Variants in KLHL32 observed in about 807,000 individuals in gnomAD.
The protein encoded by KLHL32 is kelch-like protein 32.
KLHL32 carries 35 observed loss-of-function variants against 64.8 expected under a neutral mutation model. The observed-to-expected ratio is 0.54, with a 90% CI of 0.41 to 0.72. The LOEUF (loss-of-function observed/expected upper bound fraction) is 0.72, where lower values mean the gene tolerates loss of function less well. Among genes scored for constraint, KLHL32 ranks in the 30% least tolerant of loss-of-function variants. KLHL32 has a pLI of 0.00. For missense variants in KLHL32, 589 were observed against 768.5 expected, an observed-to-expected ratio of 0.77 and a Z score of 2.76; for synonymous variants, 259 against 281.0, an observed-to-expected ratio of 0.92 and a Z score of 0.78.
intron 10 of KLHL32, among the ~76,000 whole-genome samples, chr6:97,133,538 A>C (rs1799661630): frequency 6.6e-6 from 1 of 152,226 alleles, no homozygotes; most frequent in East Asian, 1.9e-4. Context: ...TAATAGTTGC[A>C]GAACTGTTCA....
At chr6:96,904,355 A>G in the KLHL32 span, among the ~76,000 whole-genome samples, 295 of 150,702 alleles carry the variant, frequency 2.0e-3, no homozygotes, top group Non-Finnish European at 2.6e-3. Context: ...AAAAAAAAAA[A>G]AAAAGAAAAG....
intron 4 of KLHL32, among the ~76,000 whole-genome samples, chr6:97,056,402 G>A (rs1034307564): frequency 1.3e-5 from 2 of 152,074 alleles, no homozygotes; most frequent in Non-Finnish European, 2.9e-5. Context: ...ACCAGGCCCG[G>A]CCCACCAGCC....
chr6:97,084,979 G>A (rs925245024), intron 5 of KLHL32, 147 bp from the exon 6 acceptor site: 1 of 648,136 alleles, frequency 1.5e-6, no homozygotes, highest in Non-Finnish European at 2.6e-6. Context: ...CTTTATAATT[G>A]TGATTTCTTT....
chr6:96,988,904 T>C (rs1255700103), intron 3 of KLHL32, among the ~76,000 whole-genome samples: 2 of 149,530 alleles, frequency 1.3e-5, no homozygotes, highest in African/African-American at 5.0e-5. Flanking sequence ...AATTGAACAA[T>C]GAGAACACAT....
chr6:97,042,524 T>C (rs1276539674), intron 4 of KLHL32, among the ~76,000 whole-genome samples: 3 of 152,216 alleles, frequency 2.0e-5, no homozygotes, highest in East Asian at 1.9e-4. Context: ...AATAATTGTA[T>C]ATACTTATGT....
chr6:97,081,960 G>A (rs191384628), intron 5 of KLHL32, among the ~76,000 whole-genome samples: 12 of 152,228 alleles, frequency 7.9e-5, no homozygotes, highest in Admixed American at 6.5e-4. Flanking sequence ...GCAGTGCCCC[G>A]GTCATGGAAG....
At chr6:96,952,483 G>C (rs1772742486) in intron 1 of KLHL32, among the ~76,000 whole-genome samples, 1 of 152,148 alleles carries the variant, frequency 6.6e-6, no homozygotes, top group South Asian at 2.1e-4. Flanking sequence ...AGGCTGGCTG[G>C]ACTCACTTAT....
intron 3 of KLHL32, among the ~76,000 whole-genome samples, chr6:97,014,208 T>C (rs1376893036): frequency 6.7e-6 from 1 of 150,246 alleles, no homozygotes; most frequent in Admixed American, 6.6e-5. Context: ...GGCAGGAGAA[T>C]GGCGTGAACC....
At chr6:97,032,169 T>C (rs886185313) in intron 3 of KLHL32, among the ~76,000 whole-genome samples, 1 of 152,182 alleles carries the variant, frequency 6.6e-6, no homozygotes, top group Admixed American at 6.5e-5. Flanking sequence ...ACATTAAAAA[T>C]AAAGTTTTTA....
chr6:97,023,807 G>A (rs1183986063), intron 3 of KLHL32, among the ~76,000 whole-genome samples: 1 of 152,200 alleles, frequency 6.6e-6, no homozygotes, highest in African/African-American at 2.4e-5. Context: ...ACCTAATGTG[G>A]TAACTGTGGT....
chr6:96,917,951 A>G, the KLHL32 span, among the ~76,000 whole-genome samples: 3 of 152,304 alleles, frequency 2.0e-5, no homozygotes, highest in East Asian at 5.8e-4. Flanking sequence ...TGTTCCGTAC[A>G]TTGTAGGATG....
rs1356439562 is a variant in KLHL32 at position 97,012,012 on chromosome 6, A to G, written c.205-29480A>G. Among the ~76,000 whole-genome samples the G allele has an allele frequency of 3.3e-5, 5 of 152,330 alleles. No individual in the cohort carries two copies. In the East Asian group the frequency reaches 9.6e-4, roughly 29 times the overall value. On this transcript the variant is annotated intron_variant, in intron 3 of 10. Coordinates refer to ENST00000369261, the MANE Select transcript of KLHL32 (RefSeq NM_052904.4). ...ATTAAAGTTTGCTAAACATTGAATTAATTTGTAATCAATCACGTAACTGCT... is the reference window on the plus strand; with the variant it reads ...ATTAAAGTTTGCTAAACATTGAATTGATTTGTAATCAATCACGTAACTGCT...
At chr6:97,027,591 T>C (rs1782918189) in intron 3 of KLHL32, among the ~76,000 whole-genome samples, 1 of 152,222 alleles carries the variant, frequency 6.6e-6, no homozygotes, top group Non-Finnish European at 1.5e-5. Context: ...GGAGACAGTG[T>C]GAAAGATTTT....
intron 3 of KLHL32, among the ~76,000 whole-genome samples, chr6:97,033,554 T>G (rs1382624357): frequency 6.6e-6 from 1 of 152,116 alleles, no homozygotes; most frequent in Non-Finnish European, 1.5e-5. Context: ...GAAGTGAGAT[T>G]GTTAGATCAT....
rs191807787 is a variant in KLHL32 at position 97,080,448 on chromosome 6, C to T, written c.412-4678C>T. ...TAAGCATCTGCTCCCTACTGGATAC[C>T]AGGGACACACAAGGCATGAGACACA... On this transcript the variant is annotated intron_variant, in intron 5 of 10. Coordinates refer to ENST00000369261, the MANE Select transcript of KLHL32 (RefSeq NM_052904.4). 3.9e-5 allele frequency among the ~76,000 whole-genome samples: 6 copies of T among 152,220 alleles called. No homozygotes were observed. The East Asian group carries it at 7.7e-4, about 20-fold the overall frequency.
chr6:97,120,989 A>G (rs1188525034), intron 7 of KLHL32, among the ~76,000 whole-genome samples: 1 of 152,236 alleles, frequency 6.6e-6, no homozygotes, highest in African/African-American at 2.4e-5. Context: ...GTATTCTACA[A>G]TGCTTGTTAG....
the KLHL32 span, among the ~76,000 whole-genome samples, chr6:96,910,342 C>T: frequency 6.6e-6 from 1 of 151,656 alleles, no homozygotes; most frequent in Non-Finnish European, 1.5e-5. Context: ...AGAGAGGACA[C>T]ACAAAGGGGA....
At chr6:97,017,949 C>G (rs1414419131) in intron 3 of KLHL32, among the ~76,000 whole-genome samples, 5 of 152,166 alleles carry the variant, frequency 3.3e-5, no homozygotes, top group Non-Finnish European at 1.5e-5. Flanking sequence ...GGAATACACA[C>G]ACTATGCTGT....
chr6:96,983,728 T>C (rs1056615082), intron 3 of KLHL32, among the ~76,000 whole-genome samples: 9 of 152,076 alleles, frequency 5.9e-5, no homozygotes, highest in Non-Finnish European at 1.2e-4. Context: ...GGTGGTGATA[T>C]CCCTTTATCA....
Sources: allele counts gnomAD v4.1 joint callset (sites outside exome capture counted in the v4.1 genomes callset), GRCh38; gene constraint gnomAD v4.1.1; transcripts MANE v1.5; gene names NCBI Gene and HGNC (gene_info 2026-07-23, HGNC 2026-07-21).